IGSF21: variants seen among roughly 807,000 people sequenced by gnomAD.
IGSF21 encodes the protein immunoglobin superfamily member 21, also known as immunoglobulin superfamily member 21.
IGSF21 carries 28 observed loss-of-function variants against 46.8 expected under a neutral mutation model. The ratio of observed to expected loss-of-function variants is 0.60; its 90% confidence interval spans 0.44 to 0.82. IGSF21 has a LOEUF of 0.82. Ranked by LOEUF, IGSF21 falls within the 40% of genes least tolerant of loss-of-function variation. The probability of loss-of-function intolerance (pLI) is 0.00; values close to 1 mark genes in which losing one functional copy is unlikely to be tolerated. For synonymous variants in IGSF21, 284 were observed against 273.6 expected (o/e 1.04, Z -0.38); for missense variants, 624 against 665.5 (o/e 0.94, Z 0.69).
chr1:18,345,542 G>A lies in IGSF21; in HGVS notation c.424+10532G>A, dbSNP rs987945978. Among the ~76,000 whole-genome samples, 8 of 152,072 alleles carry A rather than the reference G, an allele frequency of 5.3e-5. No homozygotes were observed. In the South Asian group the frequency reaches 1.7e-3, roughly 32 times the overall value. On this transcript the variant is annotated intron_variant, in intron 4 of 9. Transcript: ENST00000251296. The stretch of plus-strand genomic sequence containing the variant: ...CAGGATTATAGGCGCGCACTACCAC[G>A]TCCAGCTAATTTTTGTATTTTTAGT...
rs1227441197 is a variant in IGSF21 at position 18,365,723 on chromosome 1, T to C, written c.1015+26T>C. The C allele has an allele frequency of 6.4e-7, 1 of 1,571,654 alleles. No individual in the cohort carries two copies. Among genetic ancestry groups the C allele is most frequent in the South Asian group, 1.2e-5 (1 of 86,594 alleles). ...GTAAGACTTGGTGGGGGCCCTTCTG[T>C]AGAGCCCTTGCAGACCTGGGTGTGG... is the stretch of plus-strand genomic sequence containing the variant. On this transcript the variant is annotated intron_variant, in intron 6 of 9. Transcript: ENST00000251296. This position sits in a 1 kb window ranked among gnomAD's most constrained non-coding sequence, Gnocchi z 4.8.
At chr1:18,328,580 C>T (rs980974748) in intron 3 of IGSF21, among the ~76,000 whole-genome samples, 4 of 152,122 alleles carry the variant, frequency 2.6e-5, no homozygotes, top group African/African-American at 7.2e-5. Context: ...GGGTGCTTAA[C>T]GATTTGTTTT....
chr1:18,168,222 C>T (rs994655525), intron 1 of IGSF21, among the ~76,000 whole-genome samples: 1 of 152,234 alleles, frequency 6.6e-6, no homozygotes, highest in East Asian at 1.9e-4. Context: ...AGCATCTGGC[C>T]GTTAACTTAT....
At chr1:18,168,313 C>T (rs746381733) in intron 1 of IGSF21, among the ~76,000 whole-genome samples, 1 of 152,142 alleles carries the variant, frequency 6.6e-6, no homozygotes, top group Non-Finnish European at 1.5e-5. Flanking sequence ...GGGTGATATA[C>T]GGAGGCTTTT....
At position 18,372,632 on chromosome 1, in the gene IGSF21, AGATG is replaced by A. The variant is rs779856968; in HGVS notation, c.1016-3657_1016-3654del. ...TGGGTGGATGTTTGGATGGATGGAT[AGATG>A]GATGGATGGATGGATGGATGTTTGG... is the stretch of plus-strand genomic sequence containing the variant. On this transcript the variant is annotated intron_variant, in intron 6 of 9. Coordinates refer to ENST00000251296, the MANE Select transcript of IGSF21 (RefSeq NM_032880.5). Among the ~76,000 whole-genome samples, 9 of 135,322 alleles carry A rather than the reference AGATG, an allele frequency of 6.7e-5. No individual in the cohort carries two copies. In the East Asian group the frequency reaches 6.8e-4, roughly 10 times the overall value. The allele number at this position is 135,322 out of a possible 152,430, so 88.8% of individuals were successfully genotyped here.
chr1:18,217,793 C>G (rs2084464421), intron 1 of IGSF21, among the ~76,000 whole-genome samples: 1 of 152,136 alleles, frequency 6.6e-6, no homozygotes, highest in African/African-American at 2.4e-5. Flanking sequence ...GTCAAAGGGC[C>G]TGCCTGCCAA....
chr1:18,230,463 G>A lies in IGSF21; in HGVS notation c.183+2453G>A, dbSNP rs559770781. On this transcript the variant is annotated intron_variant, in intron 2 of 9. Coordinates refer to ENST00000251296, the MANE Select transcript of IGSF21 (RefSeq NM_032880.5). ...CTTTGACTGAGGGCCTCTGGAGCAG[G>A]CATATGCAGATGTATGCAAATCACA... Among the ~76,000 whole-genome samples, 3 of 152,176 alleles carry A rather than the reference G, an allele frequency of 2.0e-5. No homozygotes were observed. The South Asian group carries it at 6.3e-4, about 32-fold the overall frequency.
At chr1:18,291,736 T>C in intron 2 of IGSF21, 130 bp from the exon 3 acceptor site, 1 of 1,130,176 alleles carries the variant, frequency 8.8e-7, no homozygotes, top group Non-Finnish European at 1.3e-6. Flanking sequence ...CCTCGGTTAT[T>C]ACCTTATTCT....
Position 18,365,737 on chromosome 1 carries a change from A to C in IGSF21, c.1015+40A>C, listed in dbSNP as rs746640244. ...GGGCCCTTCTGTAGAGCCCTTGCAG[A>C]CCTGGGTGTGGGGAGAGCCTTGGAA... On this transcript the variant is annotated intron_variant, in intron 6 of 9. Transcript: ENST00000251296. This position sits in a 1 kb window ranked among gnomAD's most constrained non-coding sequence, Gnocchi z 4.8. 6.5e-6 allele frequency: 10 copies of C among 1,533,910 alleles called. No individual in the cohort carries two copies. The highest frequency in any genetic ancestry group is 1.4e-5 in the African/African-American group (1 of 73,128).
At chr1:18,273,335 C>CTTTCCTTTCCTTTCCTTTCA (rs2085062532) in intron 2 of IGSF21, among the ~76,000 whole-genome samples, 2 of 36,798 alleles carry the variant, frequency 5.4e-5, no homozygotes, top group African/African-American at 2.2e-4. Context: ...GCCACCATTC[C>CTTTCCTTTCCTTTCCTTTCA]TTTCCTTTCC....
intron 2 of IGSF21, among the ~76,000 whole-genome samples, chr1:18,277,462 A>G (rs1257192470): frequency 6.6e-6 from 1 of 152,204 alleles, no homozygotes; most frequent in Admixed American, 6.5e-5. Flanking sequence ...AGGGGCTGAC[A>G]CATAGTAGGT....
At chr1:18,114,322 G>C (rs911497093) in intron 1 of IGSF21, 3 of 152,206 alleles carry the variant, frequency 2.0e-5, no homozygotes, top group African/African-American at 7.2e-5. Flanking sequence ...ACCCCATCTG[G>C]TTCTGTTCAC....
At chr1:18,144,882 G>A (rs1019008757) in intron 1 of IGSF21, among the ~76,000 whole-genome samples, 1 of 152,134 alleles carries the variant, frequency 6.6e-6, no homozygotes, top group Non-Finnish European at 1.5e-5. Flanking sequence ...ACAACTTGAC[G>A]ATTGTGGTGA....
intron 2 of IGSF21, among the ~76,000 whole-genome samples, chr1:18,251,426 G>A (rs2084840620): frequency 6.6e-6 from 1 of 152,130 alleles, no homozygotes; most frequent in African/African-American, 2.4e-5. Context: ...TATGAGTCTG[G>A]CAAATCTCCA....
intron 1 of IGSF21, among the ~76,000 whole-genome samples, chr1:18,207,337 C>G (rs78937056): frequency 0.013 from 2,019 of 152,256 alleles, 32 homozygotes; most frequent in African/African-American, 0.046. Context: ...TGTCATGTAA[C>G]ATTACATGAT....
At chr1:18,257,233 G>A (rs908224389) in intron 2 of IGSF21, among the ~76,000 whole-genome samples, 1 of 152,140 alleles carries the variant, frequency 6.6e-6, no homozygotes, top group African/African-American at 2.4e-5. Flanking sequence ...TTGACCAGGA[G>A]CATCATGCCA....
chr1:18,333,530 G>A (rs2085735934), intron 3 of IGSF21, among the ~76,000 whole-genome samples: 1 of 152,228 alleles, frequency 6.6e-6, no homozygotes, highest in Non-Finnish European at 1.5e-5. Flanking sequence ...CTTCACTGCA[G>A]TCACAGGAAG....
Position 18,365,833 on chromosome 1 carries a change from C to A in IGSF21, c.1015+136C>A. 1 of 719,410 alleles carries A rather than the reference C, an allele frequency of 1.4e-6. No homozygotes were observed. Among genetic ancestry groups the A allele is most frequent in the South Asian group, 1.9e-5 (1 of 52,588 alleles). 44.6% of individuals were successfully genotyped at this position (719,410 alleles called of 1,614,324 possible). On this transcript the variant is annotated intron_variant, in intron 6 of 9. Coordinates refer to ENST00000251296, the MANE Select transcript of IGSF21 (RefSeq NM_032880.5). This position sits in a 1 kb window ranked among gnomAD's most constrained non-coding sequence, Gnocchi z 4.8. ...GAGCAAACTGGAGTCAGGATGAGCA[C>A]AAATGGTAGAGTCAGGTTCTTAGGG... is the stretch of plus-strand genomic sequence containing the variant.
At chr1:18,260,496 C>T (rs550433815) in intron 2 of IGSF21, among the ~76,000 whole-genome samples, 25 of 152,368 alleles carry the variant, frequency 1.6e-4, no homozygotes. Context: ...AGCAGGGCTA[C>T]CCCACAGGTA....
Sources: allele counts gnomAD v4.1 joint callset (sites outside exome capture counted in the v4.1 genomes callset), GRCh38; gene constraint gnomAD v4.1.1; non-coding constraint Gnocchi (gnomAD v3.1); transcripts MANE v1.5; gene names NCBI Gene and HGNC (gene_info 2026-07-23, HGNC 2026-07-21).